Variants in TXNDC12 observed in about 807,000 individuals in gnomAD.
The protein encoded by TXNDC12 is thioredoxin domain-containing protein 12.
TXNDC12 carries 22 observed loss-of-function variants against 24.2 expected under a neutral mutation model. The observed-to-expected ratio is 0.91, with a 90% CI of 0.65 to 1.30. TXNDC12 has a LOEUF of 1.30. TXNDC12 is among the 50% of genes most tolerant of loss of function. TXNDC12 has a pLI of 0.00. For synonymous variants in TXNDC12, 58 were observed against 73.4 expected (o/e 0.79, Z 1.07); for missense variants, 184 against 205.8 (o/e 0.89, Z 0.65).
intron 2 of TXNDC12, chr1:52,033,324 C>T: frequency 1.9e-6 from 3 of 1,613,912 alleles, no homozygotes; most frequent in Non-Finnish European, 2.5e-6. Context: ...TGCTGCCCGC[C>T]GCCTGGGCTC....
At chr1:52,038,571 C>T (rs940900966) in intron 2 of TXNDC12, among the ~76,000 whole-genome samples, 2 of 152,192 alleles carry the variant, frequency 1.3e-5, no homozygotes, top group African/African-American at 2.4e-5. Flanking sequence ...CTTGGACTGC[C>T]AAAGTGCTGG....
Position 52,032,562 on chromosome 1 carries a change from G to T in TXNDC12, c.159-3932C>A, listed in dbSNP as rs192071132. 7.7e-3 allele frequency: 10,814 copies of T among 1,412,146 alleles called. 55 individuals are homozygous for T. The highest frequency in any genetic ancestry group is 9.0e-3 in the Non-Finnish European group (9,798 of 1,086,832). The allele number at this position is 1,412,146 out of a possible 1,614,324, so 87.5% of individuals were successfully genotyped here. On this transcript the variant is annotated intron_variant, in intron 2 of 6. Coordinates refer to ENST00000371626, the MANE Select transcript of TXNDC12 (RefSeq NM_015913.4). ...GCCTGGCACAGGGGTATGCAGGAAA[G>T]TTTGAGTGAATCAGTCACAACAGCT... is the stretch of plus-strand genomic sequence containing the variant.
rs1685572719 is a variant in TXNDC12, at chr1:52,020,270, A to T, written c.*663T>A. 1 of 348,880 alleles carries T rather than the reference A, an allele frequency of 2.9e-6. No individual in the cohort carries two copies. The highest frequency in any genetic ancestry group is 3.7e-5 in the South Asian group (1 of 27,244). The allele number at this position is 348,880 out of a possible 1,614,324, so 21.6% of individuals were successfully genotyped here. On this transcript the variant is annotated 3_prime_UTR_variant, in exon 7 of 7. Coordinates refer to ENST00000371626, the MANE Select transcript of TXNDC12 (RefSeq NM_015913.4). ...GAAGGTTTGAGTTTCTCCAACAGTA[A>T]CAAGGGAAAGCATGCTTCCACCTGG...
At chr1:52,034,063 TA>T in intron 2 of TXNDC12, 1 of 1,317,852 alleles carries the variant, frequency 7.6e-7, no homozygotes, top group Non-Finnish European at 9.6e-7. Context: ...TAAGGGGCAT[TA>T]AATATTGTAA....
intron 1 of TXNDC12, among the ~76,000 whole-genome samples, chr1:52,041,870 G>A (rs999899829): frequency 2.6e-5 from 4 of 152,168 alleles, no homozygotes; most frequent in African/African-American, 9.7e-5. Context: ...AAACTATCAC[G>A]GAATATGCTA....
Position 52,028,648 on chromosome 1 carries a change from G to T in TXNDC12, c.159-18C>A, listed in dbSNP as rs201546597. ...GCAGTCCACTTAAAAGCAAAACAAA[G>T]AAATTATAATCTAGTAATTCTACTT... On this transcript the variant is annotated intron_variant, in intron 2 of 6. Coordinates refer to ENST00000371626, the MANE Select transcript of TXNDC12 (RefSeq NM_015913.4). The T allele has an allele frequency of 4.4e-6, 7 of 1,587,028 alleles. No homozygotes were observed. The highest frequency in any genetic ancestry group is 1.1e-5 in the South Asian group (1 of 88,302).
chr1:52,046,917 C>A (rs1488093938), intron 1 of TXNDC12, among the ~76,000 whole-genome samples: 6 of 148,866 alleles, frequency 4.0e-5, no homozygotes, highest in Admixed American at 3.4e-4. Context: ...GTGGCACACA[C>A]CTGTAATTCC....
At chr1:52,043,577 C>T (rs1031757508) in intron 1 of TXNDC12, among the ~76,000 whole-genome samples, 7 of 152,028 alleles carry the variant, frequency 4.6e-5, no homozygotes, top group African/African-American at 1.5e-4. Context: ...TTAAAAGAGG[C>T]ATAAAATAAT....
intron 1 of TXNDC12, among the ~76,000 whole-genome samples, chr1:52,054,715 G>A (rs1572015023): frequency 6.6e-6 from 1 of 152,206 alleles, no homozygotes; most frequent in African/African-American, 2.4e-5. Context: ...CCAAGTGCTA[G>A]GCACTATGCT....
At chr1:52,050,349 T>C (rs1686178335) in intron 1 of TXNDC12, among the ~76,000 whole-genome samples, 1 of 152,194 alleles carries the variant, frequency 6.6e-6, no homozygotes, top group Admixed American at 6.5e-5. Context: ...TTTCCTAAAG[T>C]GTCACCTGTA....
intron 1 of TXNDC12, among the ~76,000 whole-genome samples, chr1:52,044,781 C>T (rs1686057564): frequency 6.6e-6 from 1 of 152,104 alleles, no homozygotes; most frequent in South Asian, 2.1e-4. Flanking sequence ...CGAGACCATC[C>T]TGGGCAACAT....
intron 2 of TXNDC12, among the ~76,000 whole-genome samples, chr1:52,039,367 C>T (rs1685945055): frequency 6.6e-6 from 1 of 151,666 alleles, no homozygotes; most frequent in Non-Finnish European, 1.5e-5. Context: ...CTCGCTCTGT[C>T]TCCCAGGCTG....
In TXNDC12 at chr1:52,023,190, C is replaced by A. The variant is rs940165119; in HGVS notation, c.439+301G>T. ...CAGTATTAGCTCAGTAGGAAAAAAA[C>A]TAAGTTCTGGACTCAAATTCTGGCT... On this transcript the variant is annotated intron_variant, in intron 6 of 6. Coordinates refer to ENST00000371626, the MANE Select transcript of TXNDC12 (RefSeq NM_015913.4). 1.8e-5 allele frequency: 5 copies of A among 283,326 alleles called. 1 individual carries two copies. Among genetic ancestry groups the A allele is most frequent in the Non-Finnish European group, 3.3e-5 (5 of 149,574 alleles). 17.6% of individuals were successfully genotyped at this position (283,326 alleles called of 1,614,324 possible).
At chr1:52,048,165 G>A (rs1686130723) in intron 1 of TXNDC12, among the ~76,000 whole-genome samples, 1 of 152,154 alleles carries the variant, frequency 6.6e-6, no homozygotes, top group Non-Finnish European at 1.5e-5. Context: ...CCTCTACGAT[G>A]CTTATAAAAG....
chr1:52,036,332 G>A (rs1223149631), intron 2 of TXNDC12, among the ~76,000 whole-genome samples: 1 of 151,774 alleles, frequency 6.6e-6, no homozygotes, highest in African/African-American at 2.4e-5. Context: ...AAGCAGGGGG[G>A]CAAAAAAGAA....
intron 1 of TXNDC12, among the ~76,000 whole-genome samples, chr1:52,050,123 T>A (rs1164888370): frequency 6.6e-6 from 1 of 152,206 alleles, no homozygotes; most frequent in Non-Finnish European, 1.5e-5. Flanking sequence ...TACACTTTAC[T>A]GTCTCTCTAG....
intron 6 of TXNDC12, among the ~76,000 whole-genome samples, chr1:52,021,462 A>G (rs1685595529): frequency 6.7e-6 from 1 of 149,934 alleles, no homozygotes. Context: ...GTTACAGATT[A>G]CACTGAGGGG....
intron 1 of TXNDC12, among the ~76,000 whole-genome samples, chr1:52,042,692 G>T (rs892195200): frequency 2.6e-5 from 4 of 151,880 alleles, no homozygotes; most frequent in African/African-American, 9.7e-5. Flanking sequence ...GCATGATCTC[G>T]GCTCACCGCA....
rs150923730 is a variant in TXNDC12, at chr1:52,043,052, C to T, written c.98-1455G>A. 4.1e-3 allele frequency among the ~76,000 whole-genome samples: 625 copies of T among 152,340 alleles called. 3 individuals carry two copies. The highest frequency in any genetic ancestry group is 0.014 in the African/African-American group (591 of 41,576). On this transcript the variant is annotated intron_variant, in intron 1 of 6. Transcript: ENST00000371626. ...TGCTGGGATTACAGGCATGAGCCAC[C>T]GCACCCGGCCCTTTCACTTCTTTAA...
Sources: allele counts gnomAD v4.1 joint callset (sites outside exome capture counted in the v4.1 genomes callset), GRCh38; gene constraint gnomAD v4.1.1; transcripts MANE v1.5; gene names NCBI Gene and HGNC (gene_info 2026-07-23, HGNC 2026-07-21).